Variants in PEAK1 observed in about 807,000 individuals in gnomAD.
PEAK1 encodes inactive tyrosine-protein kinase PEAK1.
In PEAK1, 54 loss-of-function variants were observed where a neutral mutation model predicts 124.7. That is an observed-to-expected ratio of 0.43 (90% confidence interval 0.35 to 0.54). PEAK1 has a LOEUF of 0.54. PEAK1 is among the 20% of genes least tolerant of loss of function. The pLI is 0.01. For synonymous variants in PEAK1, 719 were observed against 760.0 expected, an observed-to-expected ratio of 0.95 and a Z score of 0.89; for missense variants, 2,046 against 2,134.5, an observed-to-expected ratio of 0.96 and a Z score of 0.82.
At chr15:77,303,955 C>A (rs754160054) in intron 2 of PEAK1, among the ~76,000 whole-genome samples, 18 of 152,132 alleles carry the variant, frequency 1.2e-4, no homozygotes, top group Non-Finnish European at 2.1e-4. Context: ...GTTCCAGCAC[C>A]ATTTATTGAA....
intron 2 of PEAK1, chr15:77,346,162 A>G (rs1479575575): frequency 1.0e-6 from 1 of 980,594 alleles, no homozygotes. Context: ...ACCAATACCA[A>G]TAAATAAATT....
At chr15:77,333,321 G>T in intron 2 of PEAK1, 1 of 979,472 alleles carries the variant, frequency 1.0e-6, no homozygotes, top group Non-Finnish European at 1.2e-6. Flanking sequence ...GTTTAATTTT[G>T]CATTTAGAAG....
chr15:77,205,870 C>T (rs1272460588), intron 6 of PEAK1, among the ~76,000 whole-genome samples: 2 of 150,556 alleles, frequency 1.3e-5, no homozygotes, highest in African/African-American at 4.9e-5. Flanking sequence ...TACATGTGCA[C>T]ATTGTGCAGG....
At chr15:77,283,850 A>T (rs2062791593) in intron 5 of PEAK1, 33 bp downstream of exon 5, 1 of 956,062 alleles carries the variant, frequency 1.0e-6, no homozygotes, top group Non-Finnish European at 1.2e-6. Context: ...AATTAAATCA[A>T]CTCATAGACC....
rs758958797 is a variant in PEAK1 at position 77,114,799 on chromosome 15, G to A, written c.4598C>T (p.Ala1533Val). The A allele has an allele frequency of 2.5e-6, 4 of 1,613,188 alleles. No individual in the cohort carries two copies. The highest frequency in any genetic ancestry group is 2.5e-6 in the Non-Finnish European group (3 of 1,179,944). ...GGGCTCTGCAGGCCCAAAGCCTTGG[G>A]CAGTCCCCCCAGGCTGGTAGTGGAC... ...LLVHYQPGGT[A>V]QGFGPAEPSP... The change falls in exon 10 of 10, where the codon GCC becomes GTC. Residue 1533 changes from alanine (A) to valine (V), a missense_variant. By Grantham distance (64) the Ala-to-Val change is moderately conservative. Transcript: ENST00000682557.
At chr15:77,317,775 T>C (rs543357388) in intron 2 of PEAK1, among the ~76,000 whole-genome samples, 37 of 152,342 alleles carry the variant, frequency 2.4e-4, no homozygotes, top group African/African-American at 8.7e-4. Context: ...ATTTCAAATG[T>C]TCATATAGTT....
At chr15:77,247,330 T>C (rs2060632806) in intron 6 of PEAK1, among the ~76,000 whole-genome samples, 1 of 152,138 alleles carries the variant, frequency 6.6e-6, no homozygotes, top group African/African-American at 2.4e-5. Flanking sequence ...AGCTCTATGA[T>C]AGTTATCTTT....
At chr15:77,420,247 G>C (rs1249673768), upstream of PEAK1, 1 of 150,462 alleles carries the variant, frequency 6.6e-6, no homozygotes, top group African/African-American at 2.4e-5. Flanking sequence ...CGCTCGCCGC[G>C]CTCCTGGAGC....
At chr15:77,240,717 A>C (rs528011767) in intron 6 of PEAK1, among the ~76,000 whole-genome samples, 39 of 152,302 alleles carry the variant, frequency 2.6e-4, no homozygotes, top group African/African-American at 8.7e-4. Context: ...AAAACTGACA[A>C]CACCACCTTC....
chr15:77,343,879 T>C (rs2066704364), intron 2 of PEAK1, among the ~76,000 whole-genome samples: 1 of 152,194 alleles, frequency 6.6e-6, no homozygotes, highest in Non-Finnish European at 1.5e-5. Context: ...CTAGGACTTT[T>C]AGTTTTAGCT....
chr15:77,417,551 G>T (rs958905196), intron 1 of PEAK1: 1 of 985,162 alleles, frequency 1.0e-6, no homozygotes. Flanking sequence ...CTCTTACACT[G>T]AAAACAGGGA....
intron 6 of PEAK1, among the ~76,000 whole-genome samples, chr15:77,251,461 A>T (rs2060878619): frequency 6.6e-6 from 1 of 152,244 alleles, no homozygotes; most frequent in Admixed American, 6.5e-5. Context: ...GCAAAAGAGT[A>T]AATAAAGATT....
At chr15:77,399,288 G>A (rs949106992) in intron 1 of PEAK1, among the ~76,000 whole-genome samples, 2 of 151,822 alleles carry the variant, frequency 1.3e-5, no homozygotes, top group African/African-American at 2.4e-5. Context: ...ATATACCAAT[G>A]ACATTCTTCA....
Position 77,337,731 on chromosome 15 carries a change from C to T in PEAK1, c.-603+27432G>A, listed in dbSNP as rs2066289026. On this transcript the variant is annotated intron_variant, in intron 2 of 9. Transcript: ENST00000682557. Reference sequence around the variant, plus strand: ...TTTATTATTATAGCACAGTTATGAACATAGTGTCACTAGAAGAAGAGCTGG... The same window carrying T: ...TTTATTATTATAGCACAGTTATGAATATAGTGTCACTAGAAGAAGAGCTGG... 4 of 985,142 alleles carry T rather than the reference C, an allele frequency of 4.1e-6. No homozygotes were observed. The South Asian group carries it at 1.4e-4, about 35-fold the overall frequency. 61.0% of individuals were successfully genotyped at this position (985,142 alleles called of 1,614,324 possible). A position where few individuals can be genotyped will look rare whatever the true frequency, so the allele number is the denominator to read the frequency against.
chr15:77,345,328 AGCTTTGTAAG>A (rs1343599777), intron 2 of PEAK1, among the ~76,000 whole-genome samples: 3 of 152,170 alleles, frequency 2.0e-5, no homozygotes, highest in Non-Finnish European at 4.4e-5. Flanking sequence ...TCAACTGGAT[AGCTTTGTAAG>A]GCATATCTCA....
At chr15:77,170,142 A>C (rs2056407170) in intron 7 of PEAK1, among the ~76,000 whole-genome samples, 1 of 152,146 alleles carries the variant, frequency 6.6e-6, no homozygotes, top group Non-Finnish European at 1.5e-5. Context: ...CTTCAAGATA[A>C]TGGGGGGAAG....
At chr15:77,130,263 G>C (rs2052747797) in intron 9 of PEAK1, among the ~76,000 whole-genome samples, 1 of 152,176 alleles carries the variant, frequency 6.6e-6, no homozygotes, top group Admixed American at 6.5e-5. Context: ...TGGTGATTTT[G>C]CAGCAATAAG....
chr15:77,131,193 T>C (rs950510462), intron 9 of PEAK1, among the ~76,000 whole-genome samples: 2 of 152,158 alleles, frequency 1.3e-5, no homozygotes, highest in East Asian at 1.9e-4. Context: ...TCAGAAATAT[T>C]TGTGATTAAA....
chr15:77,287,862 T>A (rs1214955082), intron 2 of PEAK1, among the ~76,000 whole-genome samples: 3 of 152,206 alleles, frequency 2.0e-5, no homozygotes, highest in African/African-American at 7.2e-5. Context: ...AAGCTAAAAG[T>A]TGGGCAATCA....
Sources: gnomAD v4.1 joint callset for allele counts (sites outside exome capture counted in the v4.1 genomes callset) on GRCh38, gnomAD v4.1.1 for gene constraint, MANE v1.5 for transcripts, NCBI Gene and HGNC (gene_info 2026-07-23, HGNC 2026-07-21) for gene names.